Variants in PTPRK observed in about 807,000 individuals in gnomAD.
PTPRK encodes protein tyrosine phosphatase receptor type K.
A neutral mutation model predicts 178.0 loss-of-function variants in PTPRK; 75 were observed. That is an observed-to-expected ratio of 0.42 (90% CI 0.35 to 0.51). The LOEUF is 0.51. PTPRK is among the 20% of genes least tolerant of loss of function. PTPRK has a pLI of 0.02. For synonymous variants in PTPRK, 637 were observed against 620.6 expected, an observed-to-expected ratio of 1.03 and a Z score of -0.39; for missense variants, 1,441 against 1,797.8, an observed-to-expected ratio of 0.80 and a Z score of 3.59.
intron 3 of PTPRK, among the ~76,000 whole-genome samples, chr6:128,309,661 A>G (rs1269835219): frequency 6.6e-6 from 1 of 152,218 alleles, no homozygotes; most frequent in East Asian, 1.9e-4. Context: ...AACCTTAAAA[A>G]AACTTAAGAA....
chr6:128,493,538 G>T (rs936557927), intron 1 of PTPRK, among the ~76,000 whole-genome samples: 1 of 149,894 alleles, frequency 6.7e-6, no homozygotes, highest in African/African-American at 2.5e-5. Flanking sequence ...CTCCAGCTGG[G>T]TGAAAGAGCG....
intron 1 of PTPRK, among the ~76,000 whole-genome samples, chr6:128,510,870 T>C (rs1857075824): frequency 6.6e-6 from 1 of 151,854 alleles, no homozygotes; most frequent in African/African-American, 2.4e-5. Flanking sequence ...GATATATATA[T>C]AGTATACATT....
intron 7 of PTPRK, among the ~76,000 whole-genome samples, chr6:128,167,037 A>T (rs1473176834): frequency 1.3e-5 from 2 of 151,748 alleles, no homozygotes; most frequent in East Asian, 1.9e-4. Flanking sequence ...TTCCTCAAAA[A>T]GACTAAAAAT....
intron 2 of PTPRK, among the ~76,000 whole-genome samples, chr6:128,345,955 T>C (rs376355735): frequency 6.6e-6 from 1 of 152,208 alleles, no homozygotes; most frequent in East Asian, 1.9e-4. Context: ...TTTTTCTTAA[T>C]ACCTCTTGTA....
Position 127,987,118 on chromosome 6 carries a change from C to T in PTPRK, c.3097-1243G>A, listed in dbSNP as rs147232513. On this transcript the variant is annotated intron_variant, in intron 21 of 29. Coordinates refer to ENST00000368226, the MANE Select transcript of PTPRK (RefSeq NM_002844.4). ...TTGGAGTTGCTTAATAGGCCTTGCT[C>T]CCTTTATCTTTCTATTACATGTATA... is the stretch of plus-strand genomic sequence containing the variant. Among the ~76,000 whole-genome samples, 636 of 151,990 alleles carry T rather than the reference C, an allele frequency of 4.2e-3. 5 individuals are homozygous for T. Among genetic ancestry groups the T allele is most frequent in the African/African-American group, 0.015 (609 of 41,436 alleles).
intron 3 of PTPRK, among the ~76,000 whole-genome samples, chr6:128,258,055 C>T (rs894508844): frequency 6.6e-6 from 1 of 151,892 alleles, no homozygotes; most frequent in Non-Finnish European, 1.5e-5. Context: ...CAATTAGGAC[C>T]ACTGAGAATT....
At chr6:128,133,761 C>T (rs559088456) in intron 7 of PTPRK, among the ~76,000 whole-genome samples, 7 of 150,476 alleles carry the variant, frequency 4.7e-5, no homozygotes, top group African/African-American at 1.7e-4. Context: ...CTATGTTGCT[C>T]AGGCTGTTCT....
chr6:128,426,042 A>T (rs1844098757), intron 1 of PTPRK, among the ~76,000 whole-genome samples: 1 of 152,228 alleles, frequency 6.6e-6, no homozygotes, highest in Non-Finnish European at 1.5e-5. Context: ...CAATGTTTCC[A>T]AAACTAATTT....
intron 10 of PTPRK, among the ~76,000 whole-genome samples, chr6:128,080,455 TAGAA>T (rs1225859132): frequency 6.6e-6 from 1 of 152,072 alleles, no homozygotes; most frequent in East Asian, 1.9e-4. Context: ...GGATACCACT[TAGAA>T]AGATATTTCA....
intron 2 of PTPRK, among the ~76,000 whole-genome samples, chr6:128,329,962 T>C (rs1830053580): frequency 1.3e-5 from 2 of 152,226 alleles, no homozygotes; most frequent in South Asian, 4.1e-4. Flanking sequence ...AGTAATATTC[T>C]ATCCTCATAA....
intron 13 of PTPRK, among the ~76,000 whole-genome samples, chr6:128,021,177 G>A (rs1001370931): frequency 6.6e-6 from 1 of 152,146 alleles, no homozygotes; most frequent in Non-Finnish European, 1.5e-5. Flanking sequence ...GTTCTTGGCT[G>A]TCTAAAATTT....
chr6:127,991,014 AT>A (rs1461746577), intron 20 of PTPRK, 129 bp from the exon 21 acceptor site: 2 of 651,240 alleles, frequency 3.1e-6, no homozygotes, highest in Non-Finnish European at 5.3e-6. Context: ...TGAGAAAAAA[AT>A]CTATTATACA....
chr6:128,074,215 T>G (rs1433487004), intron 11 of PTPRK, among the ~76,000 whole-genome samples: 1 of 152,048 alleles, frequency 6.6e-6, no homozygotes, highest in Non-Finnish European at 1.5e-5. Context: ...AAAGTAACCT[T>G]AGAATGGGTA....
intron 15 of PTPRK, among the ~76,000 whole-genome samples, chr6:128,004,039 T>C (rs1778148472): frequency 1.3e-5 from 2 of 151,878 alleles, no homozygotes; most frequent in Admixed American, 1.3e-4. Flanking sequence ...CCTCTTTACA[T>C]ACAAGCATAC....
At position 128,427,404 on chromosome 6, in the gene PTPRK, T is replaced by C. The variant is rs117639240; in HGVS notation, c.101-29716A>G. 1.0e-2 allele frequency among the ~76,000 whole-genome samples: 1,518 copies of C among 152,298 alleles called. 15 individuals are homozygous for C. The highest frequency in any genetic ancestry group is 0.018 in the Non-Finnish European group (1,191 of 68,024). On this transcript the variant is annotated intron_variant, in intron 1 of 29. Transcript: ENST00000368226. ...TTCTATTTAGGTACACAGGAACTACTGTGCAGTTACATTCATGGCTGAAGA... is the reference window on the plus strand; with the variant it reads ...TTCTATTTAGGTACACAGGAACTACCGTGCAGTTACATTCATGGCTGAAGA...
intron 1 of PTPRK, among the ~76,000 whole-genome samples, chr6:128,428,150 T>C (rs1844401409): frequency 1.3e-5 from 2 of 151,990 alleles, no homozygotes; most frequent in South Asian, 4.1e-4. Flanking sequence ...AAATGAGAAA[T>C]CATATGAGAA....
chr6:128,131,237 A>G (rs1217633566), intron 7 of PTPRK, among the ~76,000 whole-genome samples: 1 of 152,220 alleles, frequency 6.6e-6, no homozygotes, highest in East Asian at 1.9e-4. Flanking sequence ...TGGAAGATAA[A>G]GAAGCAATTG....
chr6:128,464,628 T>TATACAC (rs1849525441), intron 1 of PTPRK, among the ~76,000 whole-genome samples: 1 of 71,160 alleles, frequency 1.4e-5, no homozygotes, highest in Non-Finnish European at 2.4e-5. Context: ...TACATATATA[T>TATACAC]ATATATACAC....
intron 1 of PTPRK, among the ~76,000 whole-genome samples, chr6:128,467,530 C>T (rs914778293): frequency 2.6e-5 from 4 of 152,180 alleles, no homozygotes; most frequent in African/African-American, 9.7e-5. Flanking sequence ...TCACTGATGA[C>T]TTTCATATCA....
Sources: allele counts gnomAD v4.1 joint callset (sites outside exome capture counted in the v4.1 genomes callset), GRCh38; gene constraint gnomAD v4.1.1; transcripts MANE v1.5; gene names NCBI Gene and HGNC (gene_info 2026-07-23, HGNC 2026-07-21).